CTNNA3: variants seen among roughly 807,000 people sequenced by gnomAD.
CTNNA3 encodes the protein catenin alpha 3.
Under a neutral mutation model 95.7 loss-of-function variants are expected in CTNNA3, and 76 were observed. The observed-to-expected ratio is 0.79, with a 90% CI of 0.66 to 0.96. CTNNA3 has a LOEUF of 0.96. Among genes scored for constraint, CTNNA3 ranks in the 40% least tolerant of loss-of-function variants. The pLI is 0.00. For missense variants in CTNNA3, 1,191 were observed against 1,089.8 expected (o/e 1.09, Z -1.31); for synonymous variants, 431 against 374.4 (o/e 1.15, Z -1.74).
chr10:66,190,106 G>T (rs2086590075), intron 13 of CTNNA3, among the ~76,000 whole-genome samples: 1 of 152,090 alleles, frequency 6.6e-6, no homozygotes, highest in Admixed American at 6.6e-5. Flanking sequence ...AATTTAAAAA[G>T]ACACACAGTA....
intron 4 of CTNNA3, among the ~76,000 whole-genome samples, chr10:67,534,881 G>A (rs1006860144): frequency 5.9e-5 from 9 of 152,032 alleles, no homozygotes; most frequent in African/African-American, 1.9e-4. Flanking sequence ...CACAGAATGA[G>A]GGTTTAAACT....
intron 7 of CTNNA3, among the ~76,000 whole-genome samples, chr10:66,996,499 C>T (rs796814581): frequency 1.3e-5 from 2 of 151,694 alleles, no homozygotes; most frequent in African/African-American, 4.8e-5. Context: ...ACACAAGAAA[C>T]TAGCCGGGCG....
chr10:67,422,053 C>G (rs908920659), intron 5 of CTNNA3, among the ~76,000 whole-genome samples: 4 of 151,934 alleles, frequency 2.6e-5, no homozygotes, highest in Non-Finnish European at 5.9e-5. Flanking sequence ...AAACTAAAAA[C>G]ACAAACACAA....
chr10:66,328,911 CATATATAT>C lies in CTNNA3; in HGVS notation c.1733-48298_1733-48291del, dbSNP rs1554935009. 5.7e-4 allele frequency among the ~76,000 whole-genome samples: 49 copies of C among 86,492 alleles called. 2 individuals carry two copies. The highest frequency in any genetic ancestry group is 2.9e-3 in the Admixed American group (21 of 7,146). The allele number at this position is 86,492 out of a possible 152,430, so 56.7% of individuals were successfully genotyped here. A position where few individuals can be genotyped will look rare whatever the true frequency, so the allele number is the denominator to read the frequency against. On this transcript the variant is annotated intron_variant, in intron 12 of 17. Transcript: ENST00000433211. Reference sequence around the variant, plus strand: ...ACACATACACACACACACATATATACATATATATATATATATATATATACACACACACA... The same window carrying C: ...ACACATACACACACACACATATATACATATATATATATATACACACACACA...
At chr10:67,069,406 A>C (rs181648861) in intron 7 of CTNNA3, among the ~76,000 whole-genome samples, 223 of 152,218 alleles carry the variant, frequency 1.5e-3, no homozygotes, top group African/African-American at 5.2e-3. Flanking sequence ...AACTCAAAAA[A>C]CGCTCATTGT....
At position 66,630,963 on chromosome 10, in the gene CTNNA3, T is replaced by A. The variant is rs568580629; in HGVS notation, c.1282-9179A>T. On this transcript the variant is annotated intron_variant, in intron 9 of 17. Transcript: ENST00000433211. ...AAAGTGAATCCCAACAAGCACAATC[T>A]ATTTAAAGGGACACGTGAAAGGATC... 9.2e-5 allele frequency among the ~76,000 whole-genome samples: 14 copies of A among 152,242 alleles called. No homozygotes were observed. In the South Asian group the frequency reaches 2.9e-3, roughly 32 times the overall value.
At chr10:67,162,936 T>C (rs2394352) in intron 7 of CTNNA3, among the ~76,000 whole-genome samples, 56,862 of 151,736 alleles carry the variant, frequency 0.37, 15,539 homozygotes, top group African/African-American at 0.78. Flanking sequence ...ACTAACTCAA[T>C]ATGCAACAGA....
At chr10:66,403,426 G>A (rs1053166227) in intron 11 of CTNNA3, among the ~76,000 whole-genome samples, 4 of 152,084 alleles carry the variant, frequency 2.6e-5, no homozygotes, top group South Asian at 4.1e-4. Context: ...AAATCATGGC[G>A]GAAGGTGAAG....
At chr10:67,513,481 C>A (rs1839707628) in intron 5 of CTNNA3, among the ~76,000 whole-genome samples, 1 of 152,178 alleles carries the variant, frequency 6.6e-6, no homozygotes. Context: ...GCACCCACAT[C>A]TTTTATTAAG....
intron 14 of CTNNA3, among the ~76,000 whole-genome samples, chr10:66,088,485 T>TTGTGTGTGTGTGTG (rs3074377): frequency 1.8e-4 from 25 of 139,656 alleles, no homozygotes; most frequent in South Asian, 2.4e-4. Context: ...GGTAGGTGTT[T>TTGTGTGTGTGTGTG]TGTGTGTGTG....
At chr10:67,298,943 A>G (rs929575267) in intron 5 of CTNNA3, among the ~76,000 whole-genome samples, 1 of 151,322 alleles carries the variant, frequency 6.6e-6, no homozygotes, top group Non-Finnish European at 1.5e-5. Context: ...TTTTTTTTAG[A>G]CGAAGTCTTG....
At chr10:66,098,693 G>A (rs560614694) in intron 14 of CTNNA3, 2 of 152,022 alleles carry the variant, frequency 1.3e-5, no homozygotes, top group South Asian at 4.1e-4. Flanking sequence ...ATTTTATTCT[G>A]GCTGAAAGCA....
At chr10:67,063,705 G>A (rs1366271125) in intron 7 of CTNNA3, among the ~76,000 whole-genome samples, 2 of 152,174 alleles carry the variant, frequency 1.3e-5, no homozygotes, top group African/African-American at 4.8e-5. Context: ...CAGATAATTG[G>A]CATGAGCCAA....
chr10:66,120,034 C>G (rs575071531), intron 13 of CTNNA3, among the ~76,000 whole-genome samples: 2 of 152,192 alleles, frequency 1.3e-5, no homozygotes, highest in South Asian at 2.1e-4. Flanking sequence ...GTAAGGCACA[C>G]TTTTCATTCT....
intron 5 of CTNNA3, among the ~76,000 whole-genome samples, chr10:67,251,523 T>C (rs1443044297): frequency 6.6e-6 from 1 of 152,144 alleles, no homozygotes; most frequent in African/African-American, 2.4e-5. Flanking sequence ...GACAAAGACA[T>C]ACCCATACAT....
chr10:67,503,176 G>A (rs1240655839), intron 5 of CTNNA3, among the ~76,000 whole-genome samples: 2 of 152,208 alleles, frequency 1.3e-5, no homozygotes, highest in Non-Finnish European at 2.9e-5. Flanking sequence ...GGAATGCACC[G>A]TTCCTCACAG....
intron 14 of CTNNA3, among the ~76,000 whole-genome samples, chr10:66,090,849 T>A (rs1371472336): frequency 6.6e-6 from 1 of 151,994 alleles, no homozygotes; most frequent in Non-Finnish European, 1.5e-5. Context: ...TAGAAATACA[T>A]GTTCACATTT....
At chr10:66,321,533 C>T (rs1045010802) in intron 12 of CTNNA3, among the ~76,000 whole-genome samples, 2 of 152,152 alleles carry the variant, frequency 1.3e-5, no homozygotes, top group African/African-American at 4.8e-5. Context: ...TCAACAATTC[C>T]ACTTATTATT....
chr10:67,457,937 C>T (rs960424193), intron 5 of CTNNA3, among the ~76,000 whole-genome samples: 10 of 152,056 alleles, frequency 6.6e-5, no homozygotes, highest in South Asian at 4.1e-4. Context: ...TAATTCCCTC[C>T]GCCATCCTAA....
Sources: allele counts gnomAD v4.1 joint callset (sites outside exome capture counted in the v4.1 genomes callset), GRCh38; gene constraint gnomAD v4.1.1; transcripts MANE v1.5; gene names NCBI Gene and HGNC (gene_info 2026-07-23, HGNC 2026-07-21).